Variants in ADAMTSL1 observed in about 807,000 individuals in gnomAD.
ADAMTSL1 encodes ADAMTS like 1.
A neutral mutation model predicts 201.8 loss-of-function variants in ADAMTSL1; 126 were observed. That is an observed-to-expected ratio of 0.62 (90% CI 0.54 to 0.72). The LOEUF is 0.72. Ranked by LOEUF, ADAMTSL1 falls within the 30% of genes least tolerant of loss-of-function variation. ADAMTSL1 has a pLI of 0.00. For missense variants in ADAMTSL1, 2,679 were observed against 2,277.8 expected (o/e 1.18, Z -3.59); for synonymous variants, 1,121 against 903.4 (o/e 1.24, Z -4.32).
chr9:18,389,775 A>G (rs1317418795), intron 2 of ADAMTSL1, among the ~76,000 whole-genome samples: 2 of 152,234 alleles, frequency 1.3e-5, no homozygotes, highest in Non-Finnish European at 2.9e-5. Context: ...TGGAATAAAA[A>G]GTAAATCCCA....
intron 2 of ADAMTSL1, among the ~76,000 whole-genome samples, chr9:18,452,337 A>G (rs1372926950): frequency 6.6e-6 from 1 of 152,188 alleles, no homozygotes. Flanking sequence ...TCAACCTCTC[A>G]ACACTTGCAC....
intron 13 of ADAMTSL1, among the ~76,000 whole-genome samples, chr9:18,685,374 T>G (rs982673399): frequency 1.3e-5 from 2 of 152,182 alleles, no homozygotes; most frequent in Admixed American, 6.5e-5. Flanking sequence ...GCCAGTGTCT[T>G]CAGAAGAGGA....
chr9:18,490,572 A>C (rs1181626104), intron 1 of ADAMTSL1, among the ~76,000 whole-genome samples: 1 of 152,148 alleles, frequency 6.6e-6, no homozygotes, highest in Non-Finnish European at 1.5e-5. Context: ...TGTAAATCAC[A>C]TGCAAGGAGA....
chr9:18,266,092 A>G (rs1385974001), intron 2 of ADAMTSL1, among the ~76,000 whole-genome samples: 9 of 152,352 alleles, frequency 5.9e-5, no homozygotes, highest in East Asian at 5.8e-4. Context: ...TTATAGCATT[A>G]TCATTATTAG....
Position 17,911,770 on chromosome 9 carries a change from G to A in ADAMTSL1, c.87+4848G>A, listed in dbSNP as rs1289095011. ...TACATATGTATACATGTGTCATGCT[G>A]GTGTGCTGCACCCATTAACTCGTTA... On this transcript the variant is annotated intron_variant, in intron 1 of 29. Transcript: ENST00000680146. Among the ~76,000 whole-genome samples, 2 of 64,840 alleles carry A rather than the reference G, an allele frequency of 3.1e-5. 1 individual carries two copies. Among genetic ancestry groups the A allele is most frequent in the African/African-American group, 6.2e-5 (2 of 32,458 alleles). 42.5% of individuals were successfully genotyped at this position (64,840 alleles called of 152,430 possible).
chr9:18,545,631 C>A (rs1272872442), intron 3 of ADAMTSL1, among the ~76,000 whole-genome samples: 1 of 152,126 alleles, frequency 6.6e-6, no homozygotes, highest in African/African-American at 2.4e-5. Flanking sequence ...CTCCTTTGAG[C>A]GTCTCTGCCT....
At chr9:18,023,191 G>A (rs181057179) in intron 1 of ADAMTSL1, among the ~76,000 whole-genome samples, 4 of 152,008 alleles carry the variant, frequency 2.6e-5, no homozygotes, top group Non-Finnish European at 4.4e-5. Context: ...CTAGAACAAT[G>A]ACTCAAATTG....
chr9:18,136,629 T>A (rs905660973), intron 1 of ADAMTSL1, among the ~76,000 whole-genome samples: 2 of 151,836 alleles, frequency 1.3e-5, no homozygotes, highest in Non-Finnish European at 2.9e-5. Context: ...AAGATTTATG[T>A]GGAACATTAA....
At chr9:18,135,938 G>T (rs1235264437) in intron 1 of ADAMTSL1, among the ~76,000 whole-genome samples, 1 of 152,114 alleles carries the variant, frequency 6.6e-6, no homozygotes, top group Non-Finnish European at 1.5e-5. Flanking sequence ...AGTCCTCTGA[G>T]AAATATAGAC....
chr9:18,141,773 G>T (rs950379950), intron 1 of ADAMTSL1, among the ~76,000 whole-genome samples: 6 of 152,184 alleles, frequency 3.9e-5, no homozygotes, highest in African/African-American at 1.4e-4. Context: ...TACTCCTGTA[G>T]ATCTTGTCAC....
intron 1 of ADAMTSL1, among the ~76,000 whole-genome samples, chr9:18,026,250 A>G (rs1305870680): frequency 2.6e-5 from 4 of 152,060 alleles, no homozygotes; most frequent in Non-Finnish European, 5.9e-5. Context: ...TGTAATACAT[A>G]GAAGTGGTGA....
chr9:18,351,429 A>G lies in ADAMTSL1; in HGVS notation c.208-153400A>G, dbSNP rs141650995. ...TCTTTGACCAGATGAGGAACACATA[A>G]ATAAAACCCCCTTTTTTTTTTAATC... On this transcript the variant is annotated intron_variant, in intron 2 of 29. Coordinates refer to the ADAMTSL1 transcript ENST00000680146. 1.9e-3 allele frequency among the ~76,000 whole-genome samples: 285 copies of G among 152,158 alleles called. 9 individuals are homozygous for G. In the East Asian group the frequency reaches 0.037, roughly 20 times the overall value.
At chr9:18,364,694 A>C (rs979629712) in intron 2 of ADAMTSL1, among the ~76,000 whole-genome samples, 1 of 152,140 alleles carries the variant, frequency 6.6e-6, no homozygotes, top group Non-Finnish European at 1.5e-5. Context: ...TAAAGAAAAG[A>C]GGTTTAATTG....
intron 2 of ADAMTSL1, among the ~76,000 whole-genome samples, chr9:18,339,435 A>G (rs993037922): frequency 6.6e-6 from 1 of 152,196 alleles, no homozygotes; most frequent in Non-Finnish European, 1.5e-5. Context: ...AATGGCTACT[A>G]TTAAAAAGTA....
intron 2 of ADAMTSL1, among the ~76,000 whole-genome samples, chr9:18,297,570 C>G (rs565971157): frequency 1.3e-5 from 2 of 152,252 alleles, no homozygotes; most frequent in African/African-American, 4.8e-5. Flanking sequence ...GAATATGTGT[C>G]AAAAAGGCTC....
Position 18,276,241 on chromosome 9 carries a change from A to T in ADAMTSL1, c.207+112260A>T, listed in dbSNP as rs1646524564. 2.6e-5 allele frequency among the ~76,000 whole-genome samples: 4 copies of T among 152,128 alleles called. No homozygotes were observed. The South Asian group carries it at 8.3e-4, about 31-fold the overall frequency. On this transcript the variant is annotated intron_variant, in intron 2 of 29. Coordinates refer to the ADAMTSL1 transcript ENST00000680146. ...TGAACGGCTTCATTAAATATTTTAG[A>T]AAAGAGTTCTTTGTCAGATATATGT...
chr9:18,792,993 A>G (rs773885834), intron 19 of ADAMTSL1, among the ~76,000 whole-genome samples: 5 of 152,228 alleles, frequency 3.3e-5, no homozygotes, highest in African/African-American at 7.2e-5. Flanking sequence ...CAGTGAATGT[A>G]TGGGTGGATG....
At chr9:18,053,613 A>C (rs1187149072) in intron 1 of ADAMTSL1, among the ~76,000 whole-genome samples, 1 of 152,174 alleles carries the variant, frequency 6.6e-6, no homozygotes, top group Non-Finnish European at 1.5e-5. Context: ...TTGCTTGCCC[A>C]AGTCTTTCTG....
chr9:18,011,168 C>CTATT, intron 1 of ADAMTSL1, among the ~76,000 whole-genome samples: 1 of 151,958 alleles, frequency 6.6e-6, no homozygotes, highest in Non-Finnish European at 1.5e-5. Flanking sequence ...AATTTTGGAT[C>CTATT]TTGAGACAAA....
Sources: gnomAD v4.1 joint callset for allele counts (sites outside exome capture counted in the v4.1 genomes callset) on GRCh38, gnomAD v4.1.1 for gene constraint, MANE v1.5 for transcripts, NCBI Gene and HGNC (gene_info 2026-07-23, HGNC 2026-07-21) for gene names.